LEF1: variants seen among roughly 807,000 people sequenced by gnomAD.
LEF1 encodes the protein lymphoid enhancer-binding factor 1.
In LEF1, 14 loss-of-function variants were observed where a neutral mutation model predicts 51.2. The ratio of observed to expected loss-of-function variants is 0.27; its 90% CI spans 0.18 to 0.43. The LOEUF is 0.43. Among genes scored for constraint, LEF1 ranks in the 20% least tolerant of loss-of-function variants. The probability of loss-of-function intolerance (pLI) is 1.00; values close to 1 mark genes in which losing one functional copy is unlikely to be tolerated. For missense variants in LEF1, 386 were observed against 512.0 expected (o/e 0.75, Z 2.37); for synonymous variants, 185 against 183.2 (o/e 1.01, Z -0.08).
chr4:108,089,226 T>A lies in LEF1; in HGVS notation c.446A>T (p.His149Leu). 6.2e-7 allele frequency: 1 copy of A among 1,614,032 alleles called. No homozygotes were observed. The highest frequency in any genetic ancestry group is 8.5e-7 in the Non-Finnish European group (1 of 1,179,954). Reference sequence around the variant, plus strand: ...GAGGGGGGTGAGAGGATGGACCGCATGGGATGGCTGCACCACGGGCACTTT... The same window carrying A: ...GAGGGGGGTGAGAGGATGGACCGCAAGGGATGGCTGCACCACGGGCACTTT... Reference protein sequence around the residue: ...SNKVPVVQPSHAVHPLTPLIT... With the variant: ...SNKVPVVQPSLAVHPLTPLIT... Residue 149 changes from histidine to leucine, a missense_variant, in exon 4 of 12, where the codon CAT becomes CTT. Physicochemically the swap from His to Leu is moderately conservative, Grantham distance 99 (BLOSUM62 -3). This residue lies in a region of LEF1 where 335 missense variants were observed against 390.7 expected (regional missense o/e 0.86). Coordinates refer to ENST00000265165, the MANE Select transcript of LEF1 (RefSeq NM_016269.5).
chr4:108,092,924 A>AC (rs1740123901), intron 3 of LEF1, among the ~76,000 whole-genome samples: 2 of 136,988 alleles, frequency 1.5e-5, no homozygotes, highest in African/African-American at 5.7e-5. Flanking sequence ...ATGTAAAAAA[A>AC]AAAAAAAAAA....
At position 108,052,942 on chromosome 4, in the gene LEF1, A is replaced by T. The variant is rs2126254386; in HGVS notation, c.*7-4191T>A. ...CACCCACTTACAGATAAGGACACTG[A>T]GGCTACCTGAAGTTCAGTAACTTGC... On this transcript the variant is annotated intron_variant, in intron 11 of 11. Transcript: ENST00000265165. Among the ~76,000 whole-genome samples the T allele has an allele frequency of 1.3e-5, 2 of 152,356 alleles. 1 individual carries two copies. The highest frequency in any genetic ancestry group is 4.1e-4 in the South Asian group (2 of 4,828).
chr4:108,141,701 T>C (rs1202802960), intron 3 of LEF1, among the ~76,000 whole-genome samples: 1 of 152,216 alleles, frequency 6.6e-6, no homozygotes. Flanking sequence ...GGAAAGCCTT[T>C]ATGCTCTCAA....
intron 3 of LEF1, among the ~76,000 whole-genome samples, chr4:108,135,915 C>A (rs1743236641): frequency 6.6e-6 from 1 of 152,116 alleles, no homozygotes; most frequent in Admixed American, 6.5e-5. Flanking sequence ...CCAATCCTGC[C>A]CAAATGTGAA....
intron 2 of LEF1, among the ~76,000 whole-genome samples, chr4:108,164,510 T>C (rs1745262769): frequency 1.3e-5 from 2 of 152,216 alleles, no homozygotes; most frequent in African/African-American, 4.8e-5. Flanking sequence ...AGAATTCTCC[T>C]TAAGTCTAAA....
chr4:108,057,869 T>A (rs949518196), intron 11 of LEF1, among the ~76,000 whole-genome samples: 2 of 151,370 alleles, frequency 1.3e-5, no homozygotes, highest in African/African-American at 4.9e-5. Flanking sequence ...TGATTTTTTT[T>A]ATCTTTTTTT....
At chr4:108,083,169 A>G (rs1029070877) in intron 5 of LEF1, 187 bp downstream of exon 5, 8 of 599,966 alleles carry the variant, frequency 1.3e-5, no homozygotes, top group South Asian at 7.9e-5. Context: ...AAACGGATCA[A>G]TCCATTTCAA....
At chr4:108,098,416 T>C (rs969934165) in intron 3 of LEF1, among the ~76,000 whole-genome samples, 1 of 152,018 alleles carries the variant, frequency 6.6e-6, no homozygotes, top group Admixed American at 6.6e-5. Flanking sequence ...GTGCAGATGG[T>C]CTGTTTAAAT....
chr4:108,106,069 A>C (rs1012574118), intron 3 of LEF1, among the ~76,000 whole-genome samples: 2 of 152,186 alleles, frequency 1.3e-5, no homozygotes, highest in African/African-American at 4.8e-5. Flanking sequence ...TACCAGACCC[A>C]GTCACAAATG....
intron 3 of LEF1, among the ~76,000 whole-genome samples, chr4:108,157,221 A>ACACACACACACACACACAC (rs1430240760): frequency 1.2e-4 from 6 of 51,558 alleles, no homozygotes; most frequent in East Asian, 5.9e-4. Context: ...CACACACACA[A>ACACACACACACACACACAC]ACACACATAT....
At position 108,100,200 on chromosome 4, in the gene LEF1, G is replaced by C. The variant is rs538230690; in HGVS notation, c.415-10943C>G. Among the ~76,000 whole-genome samples, 4 of 152,274 alleles carry C rather than the reference G, an allele frequency of 2.6e-5. No homozygotes were observed. In the East Asian group the frequency reaches 5.8e-4, roughly 22 times the overall value. ...GAAAACTTAAATGAGAAAGAAAGCA[G>C]ATTACGTAAACTGGGTTCTATGTAA... On this transcript the variant is annotated intron_variant, in intron 3 of 11. Transcript: ENST00000265165.
intron 3 of LEF1, among the ~76,000 whole-genome samples, chr4:108,107,758 C>G (rs575526211): frequency 6.6e-6 from 1 of 152,124 alleles, no homozygotes; most frequent in African/African-American, 2.4e-5. Flanking sequence ...TGGAGTCTAA[C>G]AGTCCAATTT....
chr4:108,051,029 A>T (rs1335670067), intron 11 of LEF1, among the ~76,000 whole-genome samples: 1 of 152,216 alleles, frequency 6.6e-6, no homozygotes, highest in Non-Finnish European at 1.5e-5. Context: ...TGATTAACAC[A>T]AACATGGGTG....
intron 8 of LEF1, 66 bp from the exon 9 acceptor site, chr4:108,070,836 T>A: frequency 2.9e-6 from 3 of 1,050,814 alleles, no homozygotes; most frequent in Admixed American, 4.4e-5. Context: ...ATTTTATGTT[T>A]CAAAAATCAA....
At chr4:108,060,685 T>TA (rs1436947197) in intron 11 of LEF1, among the ~76,000 whole-genome samples, 1 of 152,078 alleles carries the variant, frequency 6.6e-6, no homozygotes, top group Non-Finnish European at 1.5e-5. Context: ...CAATCCAATC[T>TA]AAAAGCAGAC....
At chr4:108,050,816 CACTGCCTGGCACAGCGA>C (rs1469917495) in intron 11 of LEF1, among the ~76,000 whole-genome samples, 1 of 152,084 alleles carries the variant, frequency 6.6e-6, no homozygotes, top group Non-Finnish European at 1.5e-5. Context: ...GCCATCCCAC[CACTGCCTGGCACAGCGA>C]ACTGTGAAGT....
At chr4:108,066,621 G>A (rs1738098911) in intron 9 of LEF1, among the ~76,000 whole-genome samples, 1 of 152,152 alleles carries the variant, frequency 6.6e-6, no homozygotes, top group African/African-American at 2.4e-5. Context: ...CAAATAACCT[G>A]TTACCTTCTA....
Position 108,048,265 on chromosome 4 carries a change from G to GA in LEF1, c.*492_*493insT, listed in dbSNP as rs147179557. 1,206 of 157,166 alleles carry GA rather than the reference G, an allele frequency of 7.7e-3. 13 individuals are homozygous for GA. Among genetic ancestry groups the GA allele is most frequent in the African/African-American group, 0.028 (1,154 of 41,748 alleles). The allele number at this position is 157,166 out of a possible 1,614,324, so 9.7% of individuals were successfully genotyped here. A position where few individuals can be genotyped will look rare whatever the true frequency, so the allele number is the denominator to read the frequency against. On this transcript the variant is annotated 3_prime_UTR_variant, in exon 12 of 12. Transcript: ENST00000265165. ...AGAAAAGAAAAGAAAGAAAAATGAA[G>GA]CAGAAACAAAGAGGGAACTCTTCCA...
At chr4:108,102,618 T>C (rs1740903064) in intron 3 of LEF1, among the ~76,000 whole-genome samples, 1 of 152,194 alleles carries the variant, frequency 6.6e-6, no homozygotes, top group Non-Finnish European at 1.5e-5. Context: ...CTCCAGCTGA[T>C]ACAGGGACAT....
Sources: gnomAD v4.1 joint callset for allele counts (sites outside exome capture counted in the v4.1 genomes callset) on GRCh38, gnomAD v4.1.1 for gene constraint, gnomAD v4.1.1 regional missense constraint, MANE v1.5 for transcripts, NCBI Gene and HGNC (gene_info 2026-07-23, HGNC 2026-07-21) for gene names.